Variants in LPA observed in about 807,000 individuals in gnomAD.
LPA encodes the protein lipoprotein(a), also known as apolipoprotein(a).
A neutral mutation model predicts 197.9 loss-of-function variants in LPA; 199 were observed. The observed-to-expected ratio is 1.01, with a 90% CI of 0.90 to 1.13. The LOEUF is 1.13. LPA is among the 50% of genes most tolerant of loss of function. The probability of loss-of-function intolerance (pLI) is 0.00; values close to 1 mark genes in which losing one functional copy is unlikely to be tolerated. For synonymous variants in LPA, 715 were observed against 639.5 expected (o/e 1.12, Z -1.78); for missense variants, 1,853 against 1,785.8 (o/e 1.04, Z -0.68).
intron 26 of LPA, among the ~76,000 whole-genome samples, chr6:160,579,441 C>G (rs1778748911): frequency 6.6e-6 from 1 of 152,146 alleles, no homozygotes; most frequent in African/African-American, 2.4e-5. Flanking sequence ...CTGCTGGCTG[C>G]AGCCACTCTG....
intron 2 of LPA, among the ~76,000 whole-genome samples, chr6:160,649,613 T>G (rs1484054073): frequency 6.6e-6 from 1 of 152,176 alleles, no homozygotes; most frequent in African/African-American, 2.4e-5. Context: ...TGAGTTGATC[T>G]CATTGTTCTC....
At chr6:160,560,562 T>C (rs1778343576) in intron 28 of LPA, among the ~76,000 whole-genome samples, 2 of 152,344 alleles carry the variant, frequency 1.3e-5, no homozygotes, top group South Asian at 2.1e-4. Context: ...GCTTTTTTCA[T>C]GTTTGTCAGC....
intron 18 of LPA, among the ~76,000 whole-genome samples, chr6:160,604,009 T>C (rs1462702433): frequency 6.6e-6 from 1 of 152,204 alleles, no homozygotes; most frequent in East Asian, 1.9e-4. Flanking sequence ...CAATCGCAGT[T>C]GCTATTCCTC....
chr6:160,592,148 AAC>A (rs1356123481), intron 22 of LPA, among the ~76,000 whole-genome samples: 1 of 152,128 alleles, frequency 6.6e-6, no homozygotes, highest in Non-Finnish European at 1.5e-5. Flanking sequence ...TGACTTGCCT[AAC>A]ACATATATTA....
At chr6:160,545,742 C>A (rs976489829) in intron 32 of LPA, among the ~76,000 whole-genome samples, 3 of 152,012 alleles carry the variant, frequency 2.0e-5, no homozygotes, top group African/African-American at 4.8e-5. Flanking sequence ...GAGGCCACAC[C>A]CTTAACCAGG....
At position 160,532,615 on chromosome 6, in the gene LPA, C is replaced by T; in HGVS notation, c.5877G>A (p.Gln1959=). The part of the protein sequence containing the change: ...TFGTGLLKEA[Q]LLVIENEVCN... ...ACACTTCATTCTCAATAACAAGGAGCTGGGCTTCCTTGAGAAGGCCAGTCC... is the reference window on the plus strand; with the variant it reads ...ACACTTCATTCTCAATAACAAGGAGTTGGGCTTCCTTGAGAAGGCCAGTCC... The change falls in exon 38 of 39, where the codon CAG becomes CAA. Residue 1959 remains glutamine, a synonymous_variant. Transcript: ENST00000316300. The T allele has an allele frequency of 1.2e-6, 2 of 1,612,986 alleles. No individual in the cohort carries two copies. The highest frequency in any genetic ancestry group is 1.7e-6 in the Non-Finnish European group (2 of 1,179,076).
chr6:160,586,370 T>A (rs964920270), intron 25 of LPA, 79 bp downstream of exon 25: 2 of 1,543,792 alleles, frequency 1.3e-6, no homozygotes, highest in African/African-American at 2.7e-5. Flanking sequence ...AGCATGGAAG[T>A]TTTCTGCATC....
chr6:160,538,261 G>A (rs997225037), intron 36 of LPA, among the ~76,000 whole-genome samples: 11 of 152,198 alleles, frequency 7.2e-5, no homozygotes, highest in Non-Finnish European at 1.6e-4. Context: ...TTCTGTGCAC[G>A]ATTGGAATCT....
At chr6:160,604,937 T>G (rs999080143) in intron 18 of LPA, 109 bp downstream of exon 18, 6 of 1,517,188 alleles carry the variant, frequency 4.0e-6, no homozygotes, top group Non-Finnish European at 5.5e-6. Context: ...TGCTATGCAC[T>G]GTTCATCTGA....
chr6:160,558,588 CT>C (rs1164990155), intron 28 of LPA, among the ~76,000 whole-genome samples: 1 of 152,154 alleles, frequency 6.6e-6, no homozygotes, highest in Non-Finnish European at 1.5e-5. Context: ...TCAGTCCATC[CT>C]CTGCTAGCGG....
chr6:160,576,362 A>G (rs1174248924), intron 28 of LPA, among the ~76,000 whole-genome samples: 6 of 35,744 alleles, frequency 1.7e-4, no homozygotes, highest in Admixed American at 4.2e-4. Flanking sequence ...ATATATATAT[A>G]TATACATATA....
chr6:160,575,723 G>A (rs778915907), intron 28 of LPA, among the ~76,000 whole-genome samples: 2 of 152,098 alleles, frequency 1.3e-5, no homozygotes, highest in Non-Finnish European at 2.9e-5. Context: ...AGTGCTTTGT[G>A]AGCTCTGCCA....
chr6:160,574,447 A>C (rs1332160546), intron 28 of LPA, among the ~76,000 whole-genome samples: 2 of 151,894 alleles, frequency 1.3e-5, no homozygotes, highest in Admixed American at 1.3e-4. Context: ...AAATTGTTAG[A>C]AAGTTCAGGT....
intron 1 of LPA, among the ~76,000 whole-genome samples, chr6:160,654,870 G>A (rs1159509870): frequency 2.0e-5 from 3 of 152,138 alleles, no homozygotes; most frequent in African/African-American, 7.2e-5. Flanking sequence ...CCTGCATATC[G>A]TGCAGAACCA....
At chr6:160,561,201 T>C (rs1778355854) in intron 28 of LPA, among the ~76,000 whole-genome samples, 1 of 152,194 alleles carries the variant, frequency 6.6e-6, no homozygotes, top group Non-Finnish European at 1.5e-5. Context: ...TGGTTTTAGG[T>C]CTTACATTTA....
chr6:160,543,379 G>C (rs957423473), intron 33 of LPA, among the ~76,000 whole-genome samples: 1 of 152,130 alleles, frequency 6.6e-6, no homozygotes, highest in African/African-American at 2.4e-5. Context: ...GTTCAAAAAT[G>C]CTTCTCTGTT....
chr6:160,586,748 A>T, intron 24 of LPA, 118 bp from the exon 25 acceptor site: 1 of 1,375,274 alleles, frequency 7.3e-7, no homozygotes, highest in Non-Finnish European at 1.0e-6. Flanking sequence ...TATTCTCACT[A>T]AAGTCCCATA....
chr6:160,580,878 C>T (rs1295928513), intron 26 of LPA, among the ~76,000 whole-genome samples: 4 of 152,140 alleles, frequency 2.6e-5, no homozygotes, highest in African/African-American at 7.2e-5. Flanking sequence ...ATTTTCTTAA[C>T]AGTCATATTT....
chr6:160,558,389 T>C (rs1452104651), intron 28 of LPA, among the ~76,000 whole-genome samples: 1 of 152,206 alleles, frequency 6.6e-6, no homozygotes, highest in Non-Finnish European at 1.5e-5. Flanking sequence ...TTACTCACAG[T>C]GTAGCTAAAA....
Sources: gnomAD v4.1 joint callset for allele counts (sites outside exome capture counted in the v4.1 genomes callset) on GRCh38, gnomAD v4.1.1 for gene constraint, MANE v1.5 for transcripts, NCBI Gene and HGNC (gene_info 2026-07-23, HGNC 2026-07-21) for gene names.